The following MBNL2 variants were observed in gnomAD, a reference collection of about 807,000 sequenced individuals.
MBNL2 encodes muscleblind-like protein 2.
A neutral mutation model predicts 41.9 loss-of-function variants in MBNL2; 17 were observed. The ratio of observed to expected loss-of-function variants is 0.41; its 90% CI spans 0.28 to 0.61. MBNL2 has a LOEUF of 0.61. Among genes scored for constraint, MBNL2 ranks in the 20% least tolerant of loss-of-function variants. MBNL2 has a pLI of 0.35. For missense variants in MBNL2, 336 were observed against 505.6 expected (o/e 0.66, Z 3.22); for synonymous variants, 195 against 182.9 (o/e 1.07, Z -0.53).
chr13:97,344,935 G>A (rs1553011), intron 4 of MBNL2, among the ~76,000 whole-genome samples: 17,156 of 152,242 alleles, frequency 0.11, 1,048 homozygotes, highest in East Asian at 0.17. Flanking sequence ...CTTGGTAGGA[G>A]CCTGATGGCT....
intron 7 of MBNL2, among the ~76,000 whole-genome samples, chr13:97,363,359 G>A (rs1047731214): frequency 5.9e-5 from 9 of 152,090 alleles, no homozygotes; most frequent in Non-Finnish European, 1.0e-4. Flanking sequence ...AGCATAGAGA[G>A]GGTGAGGGAA....
At chr13:97,213,145 CAAGT>C in the MBNL2 span, among the ~76,000 whole-genome samples, 1 of 152,012 alleles carries the variant, frequency 6.6e-6, no homozygotes, top group Admixed American at 6.5e-5. Flanking sequence ...GGACCTCAGT[CAAGT>C]AAGAACATAT....
At chr13:97,276,771 CCA>C (rs2052226031) in intron 2 of MBNL2, among the ~76,000 whole-genome samples, 1 of 150,646 alleles carries the variant, frequency 6.6e-6, no homozygotes, top group South Asian at 2.1e-4. Flanking sequence ...CTTTTAAGTG[CCA>C]GTTATTCTGG....
intron 2 of MBNL2, among the ~76,000 whole-genome samples, chr13:97,322,469 A>G (rs2059587165): frequency 6.6e-6 from 1 of 152,198 alleles, no homozygotes; most frequent in Non-Finnish European, 1.5e-5. Flanking sequence ...TTACATCAGA[A>G]AAACCCATTG....
the MBNL2 span, among the ~76,000 whole-genome samples, chr13:97,184,012 C>G: frequency 6.6e-6 from 1 of 152,134 alleles, no homozygotes; most frequent in South Asian, 2.1e-4. Flanking sequence ...GAGCTAGAGA[C>G]TTCAGAGATG....
intron 5 of MBNL2, among the ~76,000 whole-genome samples, chr13:97,351,495 T>C (rs1029438784): frequency 1.4e-4 from 22 of 152,348 alleles, no homozygotes; most frequent in Non-Finnish European, 2.8e-4. Context: ...TTGTCTACGT[T>C]GACATCTGTT....
At chr13:97,361,377 C>T (rs187701128) in intron 7 of MBNL2, among the ~76,000 whole-genome samples, 51 of 152,232 alleles carry the variant, frequency 3.4e-4, no homozygotes, top group African/African-American at 1.2e-3. Flanking sequence ...GTAGCTATAA[C>T]ATGAAGTACA....
At chr13:97,315,066 G>A (rs749610191) in intron 2 of MBNL2, among the ~76,000 whole-genome samples, 3 of 152,070 alleles carry the variant, frequency 2.0e-5, no homozygotes, top group African/African-American at 2.4e-5. Flanking sequence ...TGATAAAGCA[G>A]ACAGTCATAT....
At chr13:97,285,197 A>T (rs2054181848) in intron 2 of MBNL2, among the ~76,000 whole-genome samples, 1 of 152,232 alleles carries the variant, frequency 6.6e-6, no homozygotes, top group South Asian at 2.1e-4. Context: ...CTGGCCTGGG[A>T]ATCTGCATCT....
upstream of MBNL2, among the ~76,000 whole-genome samples, chr13:97,220,569 T>C (rs982591376): frequency 2.0e-5 from 3 of 152,174 alleles, no homozygotes; most frequent in Non-Finnish European, 4.4e-5. Flanking sequence ...TCAGATTTTA[T>C]AGAGAGAAAG....
the MBNL2 span, among the ~76,000 whole-genome samples, chr13:97,155,406 A>G: frequency 1.8e-5 from 2 of 114,030 alleles, no homozygotes; most frequent in African/African-American, 6.6e-5. Context: ...TTTTTTTTTT[A>G]TTATTATACT....
intron 8 of MBNL2, among the ~76,000 whole-genome samples, chr13:97,386,181 C>T (rs2065909801): frequency 6.6e-6 from 1 of 152,248 alleles, no homozygotes; most frequent in Non-Finnish European, 1.5e-5. Flanking sequence ...CTCCTGGTCT[C>T]ACTCTTACCA....
chr13:97,170,262 C>G, the MBNL2 span, among the ~76,000 whole-genome samples: 1 of 152,218 alleles, frequency 6.6e-6, no homozygotes, highest in South Asian at 2.1e-4. Flanking sequence ...AATTACCACT[C>G]CCATTTATTA....
At chr13:97,144,601 G>A in the MBNL2 span, among the ~76,000 whole-genome samples, 4 of 151,644 alleles carry the variant, frequency 2.6e-5, no homozygotes, top group South Asian at 8.3e-4. Context: ...GGCTAATTTT[G>A]CATTTTTAGT....
intron 1 of MBNL2, among the ~76,000 whole-genome samples, chr13:97,252,591 GT>G (rs2046792237): frequency 6.6e-6 from 1 of 151,900 alleles, no homozygotes; most frequent in South Asian, 2.1e-4. Flanking sequence ...TACATTTTCA[GT>G]TAGCATTATT....
At chr13:97,249,285 C>T (rs1297737390) in intron 1 of MBNL2, among the ~76,000 whole-genome samples, 1 of 152,060 alleles carries the variant, frequency 6.6e-6, no homozygotes, top group African/African-American at 2.4e-5. Context: ...AATGATTGTC[C>T]CTAGATGGTG....
At chr13:97,344,142 C>T (rs1271209541) in intron 4 of MBNL2, among the ~76,000 whole-genome samples, 11 of 152,208 alleles carry the variant, frequency 7.2e-5, no homozygotes, top group African/African-American at 2.7e-4. Flanking sequence ...TTTTCTTTAA[C>T]TTCAATTGTT....
At chr13:97,186,219 C>G in the MBNL2 span, among the ~76,000 whole-genome samples, 3 of 152,148 alleles carry the variant, frequency 2.0e-5, no homozygotes, top group African/African-American at 7.2e-5. Flanking sequence ...TAGACCCATA[C>G]TTATTAGGCA....
rs1263889609 is a variant in MBNL2, at chr13:97,334,718, G to A, written c.339+278G>A. 1.3e-5 allele frequency among the ~76,000 whole-genome samples: 2 copies of A among 152,144 alleles called. No individual in the cohort carries two copies. Among genetic ancestry groups the A allele is most frequent in the Non-Finnish European group, 2.9e-5 (2 of 68,024 alleles). On this transcript the variant is annotated intron_variant, in intron 3 of 8. Transcript: ENST00000679496. This position sits in a 1 kb window ranked among gnomAD's most constrained non-coding sequence, Gnocchi z 5.3. The stretch of plus-strand genomic sequence containing the variant: ...GTAACTCTCTATCTCAGCCATCTTA[G>A]AACGGAAATAGTTTTAACATGTTCA...
Sources: allele counts gnomAD v4.1 joint callset (sites outside exome capture counted in the v4.1 genomes callset), GRCh38; gene constraint gnomAD v4.1.1; non-coding constraint Gnocchi (gnomAD v3.1); transcripts MANE v1.5; gene names NCBI Gene and HGNC (gene_info 2026-07-23, HGNC 2026-07-21).